BICDL1: variants seen among roughly 807,000 people sequenced by gnomAD.
The protein encoded by BICDL1 is BICD family like cargo adaptor 1.
In BICDL1, 20 loss-of-function variants were observed where a neutral mutation model predicts 76.8. The observed-to-expected ratio is 0.26, with a 90% CI of 0.18 to 0.38. The LOEUF is 0.38. Ranked by LOEUF, BICDL1 falls within the 10% of genes least tolerant of loss-of-function variation. BICDL1 has a pLI of 1.00. For missense variants in BICDL1, 700 were observed against 798.6 expected, an observed-to-expected ratio of 0.88 and a Z score of 1.49; for synonymous variants, 383 against 337.1, an observed-to-expected ratio of 1.14 and a Z score of -1.49.
intron 2 of BICDL1, among the ~76,000 whole-genome samples, chr12:120,031,730 C>G (rs527579460): frequency 6.6e-6 from 1 of 152,130 alleles, no homozygotes; most frequent in Non-Finnish European, 1.5e-5. Flanking sequence ...TCTGCACATT[C>G]ATGAAAGTGG....
intron 2 of BICDL1, among the ~76,000 whole-genome samples, chr12:120,050,459 G>A (rs547969467): frequency 2.0e-4 from 30 of 151,694 alleles, no homozygotes; most frequent in African/African-American, 6.8e-4. Context: ...AGTAGAGACA[G>A]GGTTTCACCG....
At position 120,071,147 on chromosome 12, in the gene BICDL1, T is replaced by C. The variant is rs1873070094; in HGVS notation, c.910-475T>C. ...TTGTCCTATAGAATTTTCTTTTTTC[T>C]TTTTTTCTTTTTTGAGGTGGCGTCT... On this transcript the variant is annotated intron_variant, in intron 4 of 9. Transcript: ENST00000548673. This position sits in a 1 kb window ranked among gnomAD's most constrained non-coding sequence, Gnocchi z 4.8. 6.6e-6 allele frequency among the ~76,000 whole-genome samples: 1 copy of C among 152,030 alleles called. No individual in the cohort carries two copies. Among genetic ancestry groups the C allele is most frequent in the Admixed American group, 6.6e-5 (1 of 15,252 alleles).
Position 120,092,407 on chromosome 12 carries a change from C to T in BICDL1, c.1705-593C>T, listed in dbSNP as rs866900014. 5.1e-6 allele frequency: 5 copies of T among 985,446 alleles called. 1 individual carries two copies. The highest frequency in any genetic ancestry group is 6.0e-6 in the Non-Finnish European group (5 of 829,914). The allele number at this position is 985,446 out of a possible 1,614,324, so 61.0% of individuals were successfully genotyped here. A position where few individuals can be genotyped will look rare whatever the true frequency, so the allele number is the denominator to read the frequency against. ...AGACCGTGAGGCCCCTGGCCTCTGC[C>T]GCAGATGGGAGCCTCAGCAGCAGGG... On this transcript the variant is annotated intron_variant, in intron 9 of 9. Transcript: ENST00000548673.
chr12:119,998,990 A>G (rs1373372945), intron 2 of BICDL1, among the ~76,000 whole-genome samples: 1 of 149,344 alleles, frequency 6.7e-6, no homozygotes, highest in Non-Finnish European at 1.5e-5. Flanking sequence ...CCAGGAGGTC[A>G]AGGCTGCAGT....
chr12:120,054,120 T>A (rs1239098965), intron 2 of BICDL1, among the ~76,000 whole-genome samples: 1 of 151,560 alleles, frequency 6.6e-6, no homozygotes, highest in East Asian at 1.9e-4. Context: ...TCGCCCAGGC[T>A]GGAGTGCAGT....
At chr12:120,089,319 T>A (rs1159102557) in intron 8 of BICDL1, among the ~76,000 whole-genome samples, 5 of 148,866 alleles carry the variant, frequency 3.4e-5, no homozygotes, top group Non-Finnish European at 7.4e-5. Context: ...GTGACGGAGT[T>A]CTGCTCTTTC....
In BICDL1 at chr12:120,080,916, C is replaced by T; in HGVS notation, c.1482C>T (p.Ala494=). 6.2e-7 allele frequency: 1 copy of T among 1,613,480 alleles called. No individual in the cohort carries two copies. Among genetic ancestry groups the T allele is most frequent in the African/African-American group, 1.3e-5 (1 of 74,876 alleles). The change falls in exon 8 of 10, where the codon GCC becomes GCT. Residue 494 remains alanine, a synonymous_variant. Transcript: ENST00000548673. ...QVTLLSVEMT[A]LKEERDRLRV... ...CACTGCTGAGTGTGGAGATGACTGC[C>T]CTAAAAGAGGAGAGAGACCGACTCA...
intron 7 of BICDL1, among the ~76,000 whole-genome samples, chr12:120,076,794 G>A (rs973720586): frequency 2.6e-5 from 4 of 152,240 alleles, no homozygotes; most frequent in African/African-American, 9.6e-5. Flanking sequence ...TCCCAAGGCA[G>A]GGGTAGGGTG....
rs541438418 is a variant in BICDL1, at chr12:120,071,299, G to A, written c.910-323G>A. Among the ~76,000 whole-genome samples, 3 of 151,660 alleles carry A rather than the reference G, an allele frequency of 2.0e-5. No homozygotes were observed. Among genetic ancestry groups the A allele is most frequent in the Admixed American group, 6.6e-5 (1 of 15,214 alleles). ...TGGGATTTCAGGTACCCGCCACCACGCCCAGCTAATTTTTGTATTTTTAGT... is the reference window on the plus strand; with the variant it reads ...TGGGATTTCAGGTACCCGCCACCACACCCAGCTAATTTTTGTATTTTTAGT... On this transcript the variant is annotated intron_variant, in intron 4 of 9. Coordinates refer to ENST00000548673, the MANE Select transcript of BICDL1 (RefSeq NM_001367886.1). This position sits in a 1 kb window ranked among gnomAD's most constrained non-coding sequence, Gnocchi z 4.8.
At chr12:120,054,737 G>A (rs942521840) in intron 2 of BICDL1, among the ~76,000 whole-genome samples, 10 of 152,018 alleles carry the variant, frequency 6.6e-5, no homozygotes, top group Admixed American at 1.3e-4. Context: ...AAAATTAGCC[G>A]GGCATGGTGG....
At chr12:119,997,405 GT>G (rs1275960888) in intron 1 of BICDL1, among the ~76,000 whole-genome samples, 2 of 152,178 alleles carry the variant, frequency 1.3e-5, no homozygotes, top group Non-Finnish European at 1.5e-5. Context: ...CAAGGACCAT[GT>G]CTGTTTTGCT....
chr12:120,069,013 C>T (rs916127610), intron 4 of BICDL1, among the ~76,000 whole-genome samples: 4 of 152,150 alleles, frequency 2.6e-5, no homozygotes, highest in African/African-American at 9.7e-5. Flanking sequence ...TGTCTCCTCT[C>T]TACCACTGGC....
intron 7 of BICDL1, among the ~76,000 whole-genome samples, chr12:120,076,188 G>C (rs934031640): frequency 6.6e-6 from 1 of 152,158 alleles, no homozygotes; most frequent in African/African-American, 2.4e-5. Flanking sequence ...ACAGCCGAAC[G>C]CTAGAGACTT....
intron 2 of BICDL1, chr12:120,000,371 C>T (rs1951735508): frequency 6.6e-6 from 1 of 152,144 alleles, no homozygotes; most frequent in Non-Finnish European, 1.5e-5. Flanking sequence ...AACAGGATTT[C>T]TGATTCAGTT....
At chr12:119,997,098 G>C (rs532091200) in intron 1 of BICDL1, among the ~76,000 whole-genome samples, 2 of 151,880 alleles carry the variant, frequency 1.3e-5, no homozygotes, top group Admixed American at 6.6e-5. Flanking sequence ...GCAGGCCCTC[G>C]CCACCTCGCC....
intron 2 of BICDL1, among the ~76,000 whole-genome samples, chr12:120,031,856 C>T (rs1462336343): frequency 6.6e-6 from 1 of 152,012 alleles, no homozygotes; most frequent in Non-Finnish European, 1.5e-5. Flanking sequence ...TTCAGAAGGT[C>T]GAGGCAGGAG....
chr12:120,018,994 G>A lies in BICDL1; in HGVS notation c.645+20258G>A, dbSNP rs964920748. The A allele has an allele frequency of 2.7e-5, 4 of 147,598 alleles. 1 individual carries two copies. Among genetic ancestry groups the A allele is most frequent in the African/African-American group, 5.0e-5 (2 of 39,792 alleles). 9.1% of individuals were successfully genotyped at this position (147,598 alleles called of 1,614,324 possible). A position where few individuals can be genotyped will look rare whatever the true frequency, so the allele number is the denominator to read the frequency against. ...CGGGAGGCGGAGCTTGCAGTGAGCC[G>A]AGATCCCGCCACTGCACTCCAGCCT... is the stretch of plus-strand genomic sequence containing the variant. On this transcript the variant is annotated intron_variant, in intron 2 of 9. Transcript: ENST00000548673.
chr12:120,021,522 G>A lies in BICDL1; in HGVS notation c.645+22786G>A, dbSNP rs372500335. On this transcript the variant is annotated intron_variant, in intron 2 of 9. Transcript: ENST00000548673. ...GAATCGCTTGAACCCAGAAGGCAGA[G>A]GTTGCAGTGAGCCAAGATTGCGCCA... 1.2e-4 allele frequency among the ~76,000 whole-genome samples: 18 copies of A among 148,198 alleles called. No individual in the cohort carries two copies. The East Asian group carries it at 2.4e-3, about 20-fold the overall frequency.
At chr12:120,015,892 C>G (rs533662259) in intron 2 of BICDL1, among the ~76,000 whole-genome samples, 1 of 152,296 alleles carries the variant, frequency 6.6e-6, no homozygotes, top group Non-Finnish European at 1.5e-5. Flanking sequence ...TATTTTGAAA[C>G]AGCCTTATTG....
Sources: gnomAD v4.1 joint callset for allele counts (sites outside exome capture counted in the v4.1 genomes callset) on GRCh38, gnomAD v4.1.1 for gene constraint, Gnocchi (gnomAD v3.1) non-coding constraint, MANE v1.5 for transcripts, NCBI Gene and HGNC (gene_info 2026-07-23, HGNC 2026-07-21) for gene names.